RPS29: variants seen among roughly 807,000 people sequenced by gnomAD.
RPS29 encodes the protein ribosomal protein S29, also known as small ribosomal subunit protein uS14.
For synonymous variants in RPS29, 37 were observed against 26.9 expected (o/e 1.37, Z -1.16); for missense variants, 60 against 75.7 (o/e 0.79, Z 0.77).
At chr14:49,581,995 A>G (rs1881349171), downstream of RPS29, among the ~76,000 whole-genome samples, 1 of 134,078 alleles carries the variant, frequency 7.5e-6, no homozygotes, top group Non-Finnish European at 1.5e-5. Flanking sequence ...TGGGTGATAG[A>G]GCAAGACCCT....
At chr14:49,586,631 C>T (rs540581822), upstream of RPS29, 111 of 456,254 alleles carry the variant, frequency 2.4e-4, no homozygotes, top group African/African-American at 1.8e-3. Flanking sequence ...GAGGCTGAGG[C>T]TGGAGGATCG....
intron 1 of RPS29, among the ~76,000 whole-genome samples, chr14:49,595,438 A>G (rs1332315720): frequency 1.3e-5 from 2 of 151,352 alleles, no homozygotes; most frequent in Non-Finnish European, 2.9e-5. Context: ...AAAGTAAAAA[A>G]ACAAACAAAA....
chr14:49,571,536 G>A (rs1881055086), exon 3 of RPS29: 1 of 152,300 alleles, frequency 6.6e-6, no homozygotes, highest in African/African-American at 2.4e-5. Context: ...TTACCAGCGA[G>A]AACAACCATG....
At chr14:49,578,761 A>G (rs1166950524), downstream of RPS29, among the ~76,000 whole-genome samples, 1 of 151,964 alleles carries the variant, frequency 6.6e-6, no homozygotes, top group Non-Finnish European at 1.5e-5. Context: ...GGGTTTCACC[A>G]TGTTGACCAG....
At chr14:49,577,021 C>G (rs1229106740) in exon 3 of RPS29, 1 of 152,238 alleles carries the variant, frequency 6.6e-6, no homozygotes, top group Admixed American at 6.6e-5. Context: ...GTGGGAGGAT[C>G]CCTTGAGGTC....
chr14:49,581,099 A>G (rs1233532756), downstream of RPS29, among the ~76,000 whole-genome samples: 2 of 152,040 alleles, frequency 1.3e-5, no homozygotes, highest in Non-Finnish European at 2.9e-5. Flanking sequence ...AGGCAGGAGA[A>G]TTGCTTGAAC....
intron 1 of RPS29, chr14:49,597,628 A>G (rs1489737448): frequency 6.6e-6 from 1 of 151,670 alleles, no homozygotes; most frequent in African/African-American, 2.4e-5. Context: ...AGATGTACAT[A>G]TAAGAATACT....
At chr14:49,589,973 G>C (rs1469742852), upstream of RPS29, among the ~76,000 whole-genome samples, 1 of 152,202 alleles carries the variant, frequency 6.6e-6, no homozygotes, top group African/African-American at 2.4e-5. Context: ...TCACTTATAA[G>C]TGAGAGCTAA....
At chr14:49,586,960 T>C (rs1881600173), upstream of RPS29, 1 of 152,812 alleles carries the variant, frequency 6.5e-6, no homozygotes. Context: ...ACCTTTTACT[T>C]TCTTTTAATT....
intron 1 of RPS29, 28 bp downstream of exon 1, chr14:49,586,257 T>C (rs976311057): frequency 6.2e-7 from 1 of 1,610,832 alleles, no homozygotes; most frequent in Admixed American, 1.7e-5. Flanking sequence ...ACGGCAACGC[T>C]TCCCCAAAAT....
chr14:49,589,576 A>G (rs943738368), upstream of RPS29, among the ~76,000 whole-genome samples: 3 of 152,248 alleles, frequency 2.0e-5, no homozygotes, highest in Non-Finnish European at 4.4e-5. Flanking sequence ...AGACGTATAC[A>G]CTGCTGATGG....
chr14:49,578,899 G>GTGCCTGTAATCCC (rs1881261993), downstream of RPS29, among the ~76,000 whole-genome samples: 1 of 152,160 alleles, frequency 6.6e-6, no homozygotes, highest in South Asian at 2.1e-4. Flanking sequence ...TTAGTGGTAA[G>GTGCCTGTAATCCC]AGCAGTTTTC....
exon 3 of RPS29, chr14:49,574,703 T>G (rs1881133424): frequency 6.6e-6 from 1 of 152,230 alleles, no homozygotes; most frequent in South Asian, 2.1e-4. Flanking sequence ...CAAGGTTATC[T>G]GAATTAATCA....
chr14:49,594,335 C>T (rs1881776578), intron 1 of RPS29, among the ~76,000 whole-genome samples: 1 of 150,586 alleles, frequency 6.6e-6, no homozygotes, highest in Admixed American at 6.6e-5. Flanking sequence ...AGGGTGTGAA[C>T]CTGTCTCAAA....
intron 2 of RPS29, 70 bp from the exon 3 acceptor site, chr14:49,583,745 G>A: frequency 1.0e-6 from 1 of 977,928 alleles, no homozygotes; most frequent in South Asian, 1.4e-5. Flanking sequence ...ACAAAAAAAA[G>A]GCTCATTATA....
Position 49,586,374 on chromosome 14 carries a change from A to G in RPS29, c.-28T>C, listed in dbSNP as rs1566482773. 18 of 1,607,976 alleles carry G rather than the reference A, an allele frequency of 1.1e-5. No individual in the cohort carries two copies. The highest frequency in any genetic ancestry group is 1.4e-5 in the Non-Finnish European group (16 of 1,174,374). ...TGCTCTCAGCAGTGCAACGAGGTAA[A>G]AGGAAGAAGCTGGCCCACGCATGCG... On this transcript the variant is annotated 5_prime_UTR_variant, in exon 1 of 3. Transcript: ENST00000245458.
At chr14:49,585,918 A>C in intron 2 of RPS29, 32 bp downstream of exon 2, 2 of 1,561,538 alleles carry the variant, frequency 1.3e-6, no homozygotes, top group Non-Finnish European at 1.8e-6. Flanking sequence ...TTCTCTGCCC[A>C]AACAACATGG....
chr14:49,597,094 A>T (rs1048187703), intron 1 of RPS29, among the ~76,000 whole-genome samples: 8 of 151,880 alleles, frequency 5.3e-5, no homozygotes, highest in African/African-American at 1.9e-4. Flanking sequence ...TTGTATTTTT[A>T]GTAGAGACGG....
downstream of RPS29, among the ~76,000 whole-genome samples, chr14:49,580,054 A>C (rs1881292623): frequency 6.6e-6 from 1 of 151,036 alleles, no homozygotes; most frequent in Non-Finnish European, 1.5e-5. Flanking sequence ...CACCATGTAT[A>C]CACAGGGATA....
Sources: gnomAD v4.1 joint callset for allele counts (sites outside exome capture counted in the v4.1 genomes callset) on GRCh38, gnomAD v4.1.1 for gene constraint, MANE v1.5 for transcripts, NCBI Gene and HGNC (gene_info 2026-07-23, HGNC 2026-07-21) for gene names.